DLG2: variants seen among roughly 807,000 people sequenced by gnomAD.
The protein encoded by DLG2 is disks large homolog 2.
DLG2 carries 45 observed loss-of-function variants against 132.5 expected under a neutral mutation model. The ratio of observed to expected loss-of-function variants is 0.34; its 90% CI spans 0.27 to 0.44. The LOEUF is 0.44. Among genes scored for constraint, DLG2 ranks in the 20% least tolerant of loss-of-function variants. The probability of loss-of-function intolerance (pLI) is 1.00; values close to 1 mark genes in which losing one functional copy is unlikely to be tolerated. For synonymous variants in DLG2, 424 were observed against 419.6 expected, an observed-to-expected ratio of 1.01 and a Z score of -0.13; for missense variants, 1,045 against 1,196.9, an observed-to-expected ratio of 0.87 and a Z score of 1.87.
chr11:85,520,327 G>A lies in DLG2; in HGVS notation c.40+78330C>T, dbSNP rs145834950. Among the ~76,000 whole-genome samples the A allele has an allele frequency of 4.9e-4, 75 of 152,172 alleles. 1 individual carries two copies. The highest frequency in any genetic ancestry group is 1.5e-3 in the African/African-American group (62 of 41,516). ...TCTATAATGAGAACGATAAAACATT[G>A]ATGAAGGAAATAAAAGAGAACACCA... is the stretch of plus-strand genomic sequence containing the variant. On this transcript the variant is annotated intron_variant, in intron 3 of 27. Coordinates refer to ENST00000376104, the MANE Select transcript of DLG2 (RefSeq NM_001142699.3).
chr11:85,049,818 C>T (rs1182687160), intron 6 of DLG2, among the ~76,000 whole-genome samples: 1 of 151,836 alleles, frequency 6.6e-6, no homozygotes, highest in African/African-American at 2.4e-5. Flanking sequence ...AGGTTTATAA[C>T]CAAAACTTAG....
chr11:83,519,813 A>T (rs2095418050), intron 21 of DLG2, among the ~76,000 whole-genome samples: 1 of 152,182 alleles, frequency 6.6e-6, no homozygotes, highest in Non-Finnish European at 1.5e-5. Flanking sequence ...CCTGCAACAA[A>T]GCAATCATTC....
intron 6 of DLG2, among the ~76,000 whole-genome samples, chr11:84,766,781 A>C (rs937231504): frequency 6.6e-6 from 1 of 152,082 alleles, no homozygotes; most frequent in Non-Finnish European, 1.5e-5. Flanking sequence ...CCATGCTTTA[A>C]GATGTTTATA....
At chr11:84,536,443 A>G (rs1208712347) in intron 6 of DLG2, among the ~76,000 whole-genome samples, 2 of 152,218 alleles carry the variant, frequency 1.3e-5, no homozygotes, top group African/African-American at 4.8e-5. Flanking sequence ...AATACACGAC[A>G]CAATGAGGTT....
intron 6 of DLG2, among the ~76,000 whole-genome samples, chr11:84,914,824 TAATAGAAA>T (rs2092351473): frequency 6.6e-6 from 1 of 152,228 alleles, no homozygotes; most frequent in African/African-American, 2.4e-5. Context: ...AAAATAGGTT[TAATAGAAA>T]ACTTTCTCTT....
At chr11:85,537,381 C>T (rs538356012) in intron 3 of DLG2, among the ~76,000 whole-genome samples, 13 of 152,354 alleles carry the variant, frequency 8.5e-5, no homozygotes, top group African/African-American at 3.1e-4. Flanking sequence ...AATCTCGCTG[C>T]TGCTCACTCT....
intron 18 of DLG2, among the ~76,000 whole-genome samples, chr11:83,656,073 G>T (rs746279137): frequency 3.9e-5 from 6 of 152,204 alleles, no homozygotes; most frequent in Non-Finnish European, 8.8e-5. Flanking sequence ...CTGAGATTAC[G>T]CAGGTCAGGG....
At chr11:85,605,815 C>T (rs2080491334) in intron 2 of DLG2, among the ~76,000 whole-genome samples, 1 of 152,124 alleles carries the variant, frequency 6.6e-6, no homozygotes, top group South Asian at 2.1e-4. Context: ...CCCGTCTCTA[C>T]TAAAAATGCA....
At chr11:84,101,246 G>C (rs1032128586) in intron 9 of DLG2, among the ~76,000 whole-genome samples, 1 of 152,022 alleles carries the variant, frequency 6.6e-6, no homozygotes, top group Non-Finnish European at 1.5e-5. Flanking sequence ...GACATAGAGG[G>C]AAGAACTTGT....
chr11:84,391,242 C>T (rs111519922), intron 7 of DLG2, among the ~76,000 whole-genome samples: 1,859 of 152,046 alleles, frequency 0.012, 19 homozygotes, highest in Non-Finnish European at 0.018. Flanking sequence ...AAGATCTTGA[C>T]GATATATTAT....
chr11:84,000,457 A>G (rs1345289489), intron 11 of DLG2, among the ~76,000 whole-genome samples: 1 of 151,986 alleles, frequency 6.6e-6, no homozygotes, highest in African/African-American at 2.4e-5. Context: ...ATTTAACATA[A>G]TATTGCATGA....
chr11:84,026,919 A>T (rs1279527472), intron 11 of DLG2, among the ~76,000 whole-genome samples: 1 of 152,108 alleles, frequency 6.6e-6, no homozygotes, highest in African/African-American at 2.4e-5. Context: ...AAGCTCAAAA[A>T]GCGTTTTATA....
intron 6 of DLG2, among the ~76,000 whole-genome samples, chr11:84,571,485 G>A (rs929317999): frequency 1.3e-5 from 2 of 151,940 alleles, no homozygotes; most frequent in Non-Finnish European, 1.5e-5. Context: ...TATTTATGAA[G>A]AGACTAATGC....
At chr11:84,316,439 A>G (rs2098356264) in intron 7 of DLG2, among the ~76,000 whole-genome samples, 1 of 152,218 alleles carries the variant, frequency 6.6e-6, no homozygotes, top group African/African-American at 2.4e-5. Context: ...TTGCCTTTAA[A>G]GAGATGGAAA....
chr11:85,034,227 G>A (rs1321931432), intron 6 of DLG2, among the ~76,000 whole-genome samples: 5 of 151,876 alleles, frequency 3.3e-5, no homozygotes, highest in Admixed American at 3.3e-4. Flanking sequence ...ACAGGCGCCT[G>A]CCACCATGCC....
intron 11 of DLG2, among the ~76,000 whole-genome samples, chr11:84,043,020 T>A (rs1251493773): frequency 2.0e-5 from 3 of 151,830 alleles, no homozygotes; most frequent in Non-Finnish European, 2.9e-5. Flanking sequence ...GACTACTGCT[T>A]ATATATGGAC....
chr11:84,923,637 T>C, intron 6 of DLG2: 1 of 970,744 alleles, frequency 1.0e-6, no homozygotes, highest in Non-Finnish European at 1.2e-6. Context: ...AGCTCTGCAC[T>C]ATATTCCAGG....
chr11:84,213,873 C>CTA (rs1388184219), intron 8 of DLG2, among the ~76,000 whole-genome samples: 1 of 149,730 alleles, frequency 6.7e-6, no homozygotes, highest in African/African-American at 2.4e-5. Flanking sequence ...TAGGTAATTC[C>CTA]TATACACAAT....
In DLG2 at chr11:83,471,834, G is replaced by C. The variant is rs138321212; in HGVS notation, c.2345-107C>G. On this transcript the variant is annotated intron_variant, in intron 23 of 27. Transcript: ENST00000376104. ...ATTGCCAGACAGTAAGAGATGCTAA[G>C]GGCATTACTTCACTGGATAAATTAC... 1.5e-3 allele frequency: 1,271 copies of C among 833,118 alleles called. 8 individuals are homozygous for C. In the African/African-American group the frequency reaches 0.019, roughly 13 times the overall value. The allele number at this position is 833,118 out of a possible 1,614,324, so 51.6% of individuals were successfully genotyped here.
Sources: allele counts gnomAD v4.1 joint callset (sites outside exome capture counted in the v4.1 genomes callset), GRCh38; gene constraint gnomAD v4.1.1; transcripts MANE v1.5; gene names NCBI Gene and HGNC (gene_info 2026-07-23, HGNC 2026-07-21).